PPP2R2C: variants seen among roughly 807,000 people sequenced by gnomAD.
PPP2R2C encodes the protein protein phosphatase 2 regulatory subunit Bgamma, also known as protein phosphatase 2, regulatory subunit B, gamma.
In PPP2R2C, 10 loss-of-function variants were observed where a neutral mutation model predicts 45.3. That is an observed-to-expected ratio of 0.22 (90% CI 0.14 to 0.37). The LOEUF (loss-of-function observed/expected upper bound fraction) is 0.37. Among genes scored for constraint, PPP2R2C ranks in the 10% least tolerant of loss-of-function variants. The pLI is 1.00. For synonymous variants in PPP2R2C, 257 were observed against 245.4 expected (o/e 1.05, Z -0.44); for missense variants, 308 against 619.7 (o/e 0.50, Z 5.34).
chr4:6,551,518 T>C (rs1189330703), intron 1 of PPP2R2C, among the ~76,000 whole-genome samples: 3 of 152,174 alleles, frequency 2.0e-5, no homozygotes, highest in Admixed American at 2.0e-4. Context: ...TTGAGTCTGG[T>C]GGGCCTGTGA....
At chr4:6,431,349 G>A (rs1006044734) in intron 1 of PPP2R2C, among the ~76,000 whole-genome samples, 2 of 152,174 alleles carry the variant, frequency 1.3e-5, no homozygotes, top group Non-Finnish European at 2.9e-5. Context: ...TAATATGAGG[G>A]GCTCCAGAAC....
At chr4:6,434,512 C>T in intron 1 of PPP2R2C, among the ~76,000 whole-genome samples, 1 of 151,996 alleles carries the variant, frequency 6.6e-6, no homozygotes. Flanking sequence ...GCATGCACCA[C>T]CACGCCTGGC....
rs536356775 is a variant in PPP2R2C at position 6,364,611 on chromosome 4, T to C, written c.625+7912A>G. On this transcript the variant is annotated intron_variant, in intron 5 of 8. Coordinates refer to ENST00000382599, the MANE Select transcript of PPP2R2C (RefSeq NM_020416.4). The surrounding 1 kb of genome is among the most constrained non-coding windows in gnomAD (Gnocchi z 5.3). ...TGCCCTAAAGGCTTCCCAGATGTCA[T>C]CGTAGCACCCAGTCCTCAAGCAGCC... 1.1e-4 allele frequency among the ~76,000 whole-genome samples: 17 copies of C among 152,174 alleles called. No individual in the cohort carries two copies. The highest frequency in any genetic ancestry group is 3.3e-4 in the Admixed American group (5 of 15,292).
chr4:6,490,903 A>G (rs953711452), intron 2 of PPP2R2C, among the ~76,000 whole-genome samples: 4 of 152,170 alleles, frequency 2.6e-5, no homozygotes, highest in African/African-American at 9.7e-5. Flanking sequence ...GGGAAAACTG[A>G]GGCTTAAAGA....
chr4:6,382,673 T>TCA (rs1715921234), intron 1 of PPP2R2C: 10 of 134,648 alleles, frequency 7.4e-5, no homozygotes, highest in Non-Finnish European at 1.2e-4. Context: ...TCTCTCTCTC[T>TCA]CTCACACACA....
chr4:6,511,751 CAAT>C (rs1723544158), intron 2 of PPP2R2C, among the ~76,000 whole-genome samples: 3 of 3,524 alleles, frequency 8.5e-4, no homozygotes, highest in Non-Finnish European at 1.4e-3. Context: ...GTGGTGATGG[CAAT>C]GGTGGTGGTG....
At chr4:6,515,692 T>A (rs546236439) in intron 2 of PPP2R2C, among the ~76,000 whole-genome samples, 1 of 152,346 alleles carries the variant, frequency 6.6e-6, no homozygotes, top group African/African-American at 2.4e-5. Context: ...ATAAATATCA[T>A]TCATTCAGCA....
At chr4:6,386,245 G>A (rs1464071411) in intron 1 of PPP2R2C, among the ~76,000 whole-genome samples, 1 of 152,202 alleles carries the variant, frequency 6.6e-6, no homozygotes, top group Non-Finnish European at 1.5e-5. Context: ...TTCACAGCCT[G>A]AGGACAAGTC....
At chr4:6,503,779 A>C (rs1452488381) in intron 2 of PPP2R2C, among the ~76,000 whole-genome samples, 1 of 145,218 alleles carries the variant, frequency 6.9e-6, no homozygotes, top group Non-Finnish European at 1.5e-5. Flanking sequence ...ATAACAGTGG[A>C]ATACTACTTG....
At chr4:6,493,393 C>A (rs1042880990) in intron 2 of PPP2R2C, among the ~76,000 whole-genome samples, 1 of 151,442 alleles carries the variant, frequency 6.6e-6, no homozygotes, top group African/African-American at 2.4e-5. Flanking sequence ...AGTCTGGGGG[C>A]TTCTGTCTTT....
At chr4:6,424,755 G>A (rs1719193216) in intron 1 of PPP2R2C, among the ~76,000 whole-genome samples, 1 of 152,216 alleles carries the variant, frequency 6.6e-6, no homozygotes, top group South Asian at 2.1e-4. Context: ...GCAGGGGTGG[G>A]GGCAAATCAC....
intron 1 of PPP2R2C, among the ~76,000 whole-genome samples, chr4:6,390,875 A>C (rs1358776542): frequency 6.6e-6 from 1 of 151,962 alleles, no homozygotes; most frequent in Non-Finnish European, 1.5e-5. Context: ...AAGAACCCCC[A>C]CATTTCATCA....
chr4:6,484,024 T>C (rs1722454278), intron 2 of PPP2R2C, among the ~76,000 whole-genome samples: 1 of 152,054 alleles, frequency 6.6e-6, no homozygotes, highest in South Asian at 2.1e-4. Context: ...AGTTCTATCA[T>C]TACAACAGAG....
chr4:6,382,810 C>T, intron 1 of PPP2R2C: 3 of 1,005,138 alleles, frequency 3.0e-6, no homozygotes, highest in Admixed American at 4.1e-5. Flanking sequence ...AGCTCTTTCT[C>T]CCTGGCTATG....
At chr4:6,512,542 GTGATGGTGGTGA>G (rs1723678072) in intron 2 of PPP2R2C, among the ~76,000 whole-genome samples, 3 of 125,540 alleles carry the variant, frequency 2.4e-5, no homozygotes, top group African/African-American at 6.2e-5. Context: ...GGTGATGGTG[GTGATGGTGGTGA>G]TGGTGGTGGT....
rs1009731117 is a variant in PPP2R2C at position 6,472,382 on chromosome 4, G to C, written c.-153C>G. On this transcript the variant is annotated 5_prime_UTR_variant, in exon 1 of 9. Transcript: ENST00000382599. ...AGGGAGGGCATCGCGGCAGGGGGAC[G>C]GGCGGGGGCGGCCGGGGGCGGGCGC... 44 of 1,006,532 alleles carry C rather than the reference G, an allele frequency of 4.4e-5. No homozygotes were observed. Among genetic ancestry groups the C allele is most frequent in the Non-Finnish European group, 5.0e-5 (42 of 838,844 alleles). The allele number at this position is 1,006,532 out of a possible 1,614,324, so 62.4% of individuals were successfully genotyped here.
rs539334593 is a variant in PPP2R2C, at chr4:6,481,904, G to A, written c.49+53367C>T. ...TGAGGCAGAAGAATAGCTTGAAGCCGGGAGGCAGAGGCTGCAGTGAGCCGA... is the reference window on the plus strand; with the variant it reads ...TGAGGCAGAAGAATAGCTTGAAGCCAGGAGGCAGAGGCTGCAGTGAGCCGA... On this transcript the variant is annotated intron_variant, in intron 2 of 9. Transcript: ENST00000506140. 1.0e-4 allele frequency among the ~76,000 whole-genome samples: 15 copies of A among 150,162 alleles called. No individual in the cohort carries two copies. The East Asian group carries it at 1.2e-3, about 12-fold the overall frequency.
rs769628771 is a variant in PPP2R2C at position 6,529,768 on chromosome 4, CTGGGTA to C, written c.49+5497_49+5502del. ...TGTGGCCCCAGCCACTGACCCAGGGCTGGGTACACAGCAGATGCTCAATAAATGTAT... is the reference window on the plus strand; with the variant it reads ...TGTGGCCCCAGCCACTGACCCAGGGCCACAGCAGATGCTCAATAAATGTAT... On this transcript the variant is annotated intron_variant, in intron 2 of 9. Transcript: ENST00000506140. 2.8e-3 allele frequency among the ~76,000 whole-genome samples: 425 copies of C among 152,332 alleles called. 2 individuals carry two copies. Among genetic ancestry groups the C allele is most frequent in the Non-Finnish European group, 2.7e-3 (186 of 68,030 alleles).
chr4:6,446,938 A>C (rs1720453709), intron 1 of PPP2R2C, among the ~76,000 whole-genome samples: 1 of 151,894 alleles, frequency 6.6e-6, no homozygotes, highest in Non-Finnish European at 1.5e-5. Context: ...TGAGCACTGC[A>C]ACAGAGGCGA....
Sources: allele counts gnomAD v4.1 joint callset (sites outside exome capture counted in the v4.1 genomes callset), GRCh38; gene constraint gnomAD v4.1.1; non-coding constraint Gnocchi (gnomAD v3.1); transcripts MANE v1.5; gene names NCBI Gene and HGNC (gene_info 2026-07-23, HGNC 2026-07-21).